Variants in COPS2 observed in about 807,000 individuals in gnomAD.
COPS2 encodes COP9 signalosome subunit 2.
A neutral mutation model predicts 66.1 loss-of-function variants in COPS2; 10 were observed. The ratio of observed to expected loss-of-function variants is 0.15; its 90% CI spans 0.09 to 0.26. The LOEUF is 0.26. Among genes scored for constraint, COPS2 ranks in the 10% least tolerant of loss-of-function variants. The pLI is 1.00. For missense variants in COPS2, 215 were observed against 513.3 expected, an observed-to-expected ratio of 0.42 and a Z score of 5.62; for synonymous variants, 179 against 171.3, an observed-to-expected ratio of 1.04 and a Z score of -0.35.
intron 3 of COPS2, 81 bp downstream of exon 3, chr15:49,144,143 AAAG>A (rs1313588241): frequency 2.5e-5 from 22 of 871,004 alleles, no homozygotes; most frequent in Non-Finnish European, 3.4e-5. Flanking sequence ...GTACTTTAGA[AAAG>A]AAGATATAAT....
intron 11 of COPS2, 89 bp downstream of exon 11, chr15:49,129,388 A>G: frequency 2.2e-6 from 1 of 459,606 alleles, no homozygotes; most frequent in Non-Finnish European, 3.8e-6. Flanking sequence ...AAATGTTACC[A>G]AGTTAGAGTG....
chr15:49,149,137 A>T (rs894564508), intron 1 of COPS2, among the ~76,000 whole-genome samples: 1 of 152,212 alleles, frequency 6.6e-6, no homozygotes, highest in Non-Finnish European at 1.5e-5. Context: ...TTAAAAATAA[A>T]AAAACCCCCT....
At chr15:49,131,323 T>A (rs1017281355) in intron 9 of COPS2, among the ~76,000 whole-genome samples, 22 of 151,860 alleles carry the variant, frequency 1.4e-4, no homozygotes, top group Non-Finnish European at 2.5e-4. Context: ...TCTAGAAAGC[T>A]ACCAGCAACT....
At chr15:49,130,579 C>T in intron 10 of COPS2, 140 bp downstream of exon 10, 1 of 450,026 alleles carries the variant, frequency 2.2e-6, no homozygotes, top group Non-Finnish European at 4.0e-6. Context: ...ATATCCCATC[C>T]AATGACAGCA....
chr15:49,154,422 A>G (rs967055545), intron 1 of COPS2, among the ~76,000 whole-genome samples: 4 of 152,220 alleles, frequency 2.6e-5, no homozygotes, highest in Non-Finnish European at 5.9e-5. Context: ...TCCCTTTTGC[A>G]AAGTGTGCCT....
At position 49,126,668 on chromosome 15, in the gene COPS2, T is replaced by C. The variant is rs948931199; in HGVS notation, c.*1282A>G. On this transcript the variant is annotated 3_prime_UTR_variant, in exon 13 of 13. Transcript: ENST00000388901. Reference sequence around the variant, plus strand: ...ATGAGCTGAGTTCCTTTAAGGTAGTTACCTTGGAAGGCCACAGTTCATTCT... The same window carrying C: ...ATGAGCTGAGTTCCTTTAAGGTAGTCACCTTGGAAGGCCACAGTTCATTCT... The C allele has an allele frequency of 2.0e-5, 3 of 152,140 alleles. No homozygotes were observed. The highest frequency in any genetic ancestry group is 2.9e-5 in the Non-Finnish European group (2 of 67,970). The allele number at this position is 152,140 out of a possible 1,614,324, so 9.4% of individuals were successfully genotyped here. A position where few individuals can be genotyped will look rare whatever the true frequency, so the allele number is the denominator to read the frequency against.
At chr15:49,137,116 A>T (rs780282895) in intron 6 of COPS2, 34 bp downstream of exon 6, 5 of 1,343,166 alleles carry the variant, frequency 3.7e-6, no homozygotes, top group African/African-American at 1.5e-5. Context: ...TTTTATTATG[A>T]AGAAATATTC....
intron 3 of COPS2, among the ~76,000 whole-genome samples, chr15:49,143,128 A>C (rs946634159): frequency 6.6e-6 from 1 of 152,210 alleles, no homozygotes; most frequent in Non-Finnish European, 1.5e-5. Context: ...TTATCAGAGA[A>C]GAGCTTCTGA....
At chr15:49,150,514 C>G (rs1015076400) in intron 1 of COPS2, among the ~76,000 whole-genome samples, 9 of 152,038 alleles carry the variant, frequency 5.9e-5, no homozygotes, top group African/African-American at 2.2e-4. Context: ...GATCCTGTAG[C>G]TAAGACTCAT....
chr15:49,133,157 T>C (rs1035459338), intron 9 of COPS2, among the ~76,000 whole-genome samples: 4 of 151,414 alleles, frequency 2.6e-5, no homozygotes, highest in Non-Finnish European at 5.9e-5. Context: ...CCCGGCTAAT[T>C]TTTTGTATTT....
At chr15:49,144,443 G>A (rs1456483818) in intron 2 of COPS2, 139 bp from the exon 3 acceptor site, 3 of 557,452 alleles carry the variant, frequency 5.4e-6, no homozygotes, top group Non-Finnish European at 9.4e-6. Context: ...ATTTCTCAAT[G>A]TCATTTTTCA....
rs544750211 is a variant in COPS2, at chr15:49,123,236, C to T, written c.*4714G>A. The T allele has an allele frequency of 4.6e-5, 7 of 152,262 alleles. No homozygotes were observed. The highest frequency in any genetic ancestry group is 2.1e-4 in the South Asian group (1 of 4,822). The allele number at this position is 152,262 out of a possible 1,614,324, so 9.4% of individuals were successfully genotyped here. A position where few individuals can be genotyped will look rare whatever the true frequency, so the allele number is the denominator to read the frequency against. ...AACTTTTGACAACTTCATGGGATGA[C>T]GCTAGAGATTACTTTTTCTAAACTC... On this transcript the variant is annotated 3_prime_UTR_variant, in exon 13 of 13. Transcript: ENST00000388901.
At chr15:49,130,970 T>C (rs1352874348) in intron 9 of COPS2, among the ~76,000 whole-genome samples, 154 bp from the exon 10 acceptor site, 1 of 151,212 alleles carries the variant, frequency 6.6e-6, no homozygotes, top group African/African-American at 2.5e-5. Context: ...CAAGCACACA[T>C]AACCTTCTGC....
intron 1 of COPS2, among the ~76,000 whole-genome samples, chr15:49,154,860 C>T (rs2084402588): frequency 6.6e-6 from 1 of 152,160 alleles, no homozygotes; most frequent in African/African-American, 2.4e-5. Flanking sequence ...TTTCACCCGT[C>T]CTCCAAAAAC....
intron 3 of COPS2, among the ~76,000 whole-genome samples, chr15:49,142,939 G>A (rs2084298796): frequency 6.6e-6 from 1 of 152,068 alleles, no homozygotes; most frequent in Non-Finnish European, 1.5e-5. Context: ...GGGGTGGGGT[G>A]AAGAGGAGCA....
intron 9 of COPS2, among the ~76,000 whole-genome samples, chr15:49,132,642 A>T (rs1225586885): frequency 6.6e-6 from 1 of 150,746 alleles, no homozygotes; most frequent in Non-Finnish European, 1.5e-5. Context: ...GGTAAAACTC[A>T]GCTGTACAAC....
At chr15:49,143,266 T>G (rs1407310366) in intron 3 of COPS2, among the ~76,000 whole-genome samples, 1 of 152,206 alleles carries the variant, frequency 6.6e-6, no homozygotes, top group Middle Eastern at 3.4e-3. Flanking sequence ...TAGGGATCTG[T>G]AGGTCATGGT....
At chr15:49,154,575 C>A (rs2084396831) in intron 1 of COPS2, among the ~76,000 whole-genome samples, 1 of 152,152 alleles carries the variant, frequency 6.6e-6, no homozygotes, top group South Asian at 2.1e-4. Flanking sequence ...TATGATAATG[C>A]AGCATCACCA....
Position 49,127,198 on chromosome 15 carries a change from A to G in COPS2, c.*752T>C, listed in dbSNP as rs2084173930. Reference sequence around the variant, plus strand: ...TCTCCTTACTCTATCAATAAAGACTACTTTTAAAAACTTGAAAGCAAATAA... The same window carrying G: ...TCTCCTTACTCTATCAATAAAGACTGCTTTTAAAAACTTGAAAGCAAATAA... On this transcript the variant is annotated 3_prime_UTR_variant, in exon 13 of 13. Transcript: ENST00000388901. 1 of 152,332 alleles carries G rather than the reference A, an allele frequency of 6.6e-6. No individual in the cohort carries two copies. The highest frequency in any genetic ancestry group is 2.1e-4 in the South Asian group (1 of 4,834). 9.4% of individuals were successfully genotyped at this position (152,332 alleles called of 1,614,324 possible).
Sources: allele counts gnomAD v4.1 joint callset (sites outside exome capture counted in the v4.1 genomes callset), GRCh38; gene constraint gnomAD v4.1.1; transcripts MANE v1.5; gene names NCBI Gene and HGNC (gene_info 2026-07-23, HGNC 2026-07-21).